Variants in CADM2 observed in about 807,000 individuals in gnomAD.
CADM2 encodes cell adhesion molecule 2, also known as immunoglobulin superfamily member 4D.
In CADM2, 12 loss-of-function variants were observed where a neutral mutation model predicts 49.8. That is an observed-to-expected ratio of 0.24 (90% confidence interval 0.15 to 0.39). The LOEUF (loss-of-function observed/expected upper bound fraction) is 0.39, where lower values mean the gene tolerates loss of function less well. CADM2 is among the 10% of genes least tolerant of loss of function. The pLI, the probability that CADM2 is intolerant of heterozygous loss-of-function variation, is 1.00. For synonymous variants in CADM2, 214 were observed against 175.4 expected (o/e 1.22, Z -1.74); for missense variants, 378 against 492.3 (o/e 0.77, Z 2.20).
rs1434292635 is a variant in CADM2, at chr3:85,477,563, G to T, written c.62-248959G>T. Among the ~76,000 whole-genome samples the T allele has an allele frequency of 6.6e-5, 10 of 151,840 alleles. No homozygotes were observed. The East Asian group carries it at 1.7e-3, about 27-fold the overall frequency. ...TGTTCTCATACGGCTTACATTTTAG[G>T]AGAGACAGCCAAAGCAAAAGAAAAT... On this transcript the variant is annotated intron_variant, in intron 1 of 9. Coordinates refer to ENST00000383699, the MANE Select transcript of CADM2 (RefSeq NM_001167675.2).
chr3:85,287,479 GATA>G (rs1337400527), intron 1 of CADM2, among the ~76,000 whole-genome samples: 11 of 152,016 alleles, frequency 7.2e-5, no homozygotes, highest in African/African-American at 1.2e-4. Context: ...TGCTAATTAT[GATA>G]ATAATCATTG....
At chr3:85,297,496 C>T (rs1227037457) in intron 1 of CADM2, among the ~76,000 whole-genome samples, 2 of 151,968 alleles carry the variant, frequency 1.3e-5, no homozygotes, top group Middle Eastern at 3.2e-3. Flanking sequence ...GGCACAGTGC[C>T]TGTAATAAGA....
intron 7 of CADM2, among the ~76,000 whole-genome samples, chr3:85,939,689 A>G (rs1559754275): frequency 6.6e-6 from 1 of 151,458 alleles, no homozygotes; most frequent in Non-Finnish European, 1.5e-5. Context: ...ATTCTGTAAA[A>G]GAAAATAATT....
intron 1 of CADM2, among the ~76,000 whole-genome samples, chr3:85,150,033 G>A (rs917908318): frequency 6.6e-6 from 1 of 152,160 alleles, no homozygotes; most frequent in Non-Finnish European, 1.5e-5. Flanking sequence ...CCGAGTGAAG[G>A]TTAAGGTTAA....
At chr3:85,557,225 G>T (rs994482563) in intron 1 of CADM2, among the ~76,000 whole-genome samples, 3 of 151,838 alleles carry the variant, frequency 2.0e-5, no homozygotes, top group African/African-American at 7.2e-5. Context: ...ACATACAAAT[G>T]TATATACACA....
chr3:85,745,657 A>G (rs72914833), intron 2 of CADM2, among the ~76,000 whole-genome samples: 6,030 of 152,212 alleles, frequency 0.04, 378 homozygotes, highest in African/African-American at 0.14. Context: ...CTTGAGACCA[A>G]GAGTTCAAGA....
At chr3:85,952,263 A>T (rs9309999) in intron 7 of CADM2, among the ~76,000 whole-genome samples, 150,532 of 150,830 alleles carry the variant, frequency 1, 75,117 homozygotes, top group East Asian at 1. Flanking sequence ...TTCTTGCTCC[A>T]ATGACACTAT....
intron 3 of CADM2, among the ~76,000 whole-genome samples, chr3:85,882,659 T>C (rs1024194383): frequency 3.3e-5 from 5 of 152,216 alleles, no homozygotes; most frequent in African/African-American, 9.6e-5. Context: ...TTCAGCAAGA[T>C]GCTAAAGTAT....
intron 1 of CADM2, among the ~76,000 whole-genome samples, chr3:85,247,508 A>T (rs556492987): frequency 6.6e-6 from 1 of 152,276 alleles, no homozygotes; most frequent in African/African-American, 2.4e-5. Context: ...AAGATATTGC[A>T]AAAGGATTTG....
Position 85,159,526 on chromosome 3 carries a change from A to G in CADM2, c.61+199858A>G, listed in dbSNP as rs1025110317. Among the ~76,000 whole-genome samples the G allele has an allele frequency of 5.3e-5, 8 of 152,192 alleles. 1 individual carries two copies. The highest frequency in any genetic ancestry group is 1.9e-4 in the African/African-American group (8 of 41,452). ...GACCCACTGGTGTCAGTGGTTTCAC[A>G]TGAGACAATACTTTAAATGGAAAAA... On this transcript the variant is annotated intron_variant, in intron 1 of 9. Coordinates refer to ENST00000383699, the MANE Select transcript of CADM2 (RefSeq NM_001167675.2).
At chr3:85,979,199 C>A in intron 8 of CADM2, 2 of 1,610,686 alleles carry the variant, frequency 1.2e-6, no homozygotes, top group Non-Finnish European at 1.7e-6. Context: ...TACTATCATC[C>A]CCTCCCTTAC....
intron 1 of CADM2, among the ~76,000 whole-genome samples, chr3:85,406,765 G>C (rs187664419): frequency 6.6e-6 from 1 of 151,910 alleles, no homozygotes; most frequent in Non-Finnish European, 1.5e-5. Flanking sequence ...AATATTGTTC[G>C]CTTGTTTTCA....
At position 85,291,739 on chromosome 3, in the gene CADM2, G is replaced by A. The variant is rs539073712; in HGVS notation, c.61+332071G>A. 2.2e-4 allele frequency among the ~76,000 whole-genome samples: 33 copies of A among 147,528 alleles called. 2 individuals are homozygous for A. Among genetic ancestry groups the A allele is most frequent in the Non-Finnish European group, 4.0e-4 (27 of 68,000 alleles). ...AATACTTTACAGACAAGCAAATGCT[G>A]AGAGATTTTGTCACCACCCGGCCTG... On this transcript the variant is annotated intron_variant, in intron 1 of 9. Transcript: ENST00000383699.
chr3:85,026,299 A>G (rs1394647443), intron 1 of CADM2, among the ~76,000 whole-genome samples: 3 of 152,186 alleles, frequency 2.0e-5, no homozygotes, highest in African/African-American at 7.2e-5. Flanking sequence ...AAATTGTTAC[A>G]TACTAAATAG....
chr3:85,177,036 C>T (rs573443456), intron 1 of CADM2, among the ~76,000 whole-genome samples: 1 of 152,258 alleles, frequency 6.6e-6, no homozygotes, highest in East Asian at 1.9e-4. Context: ...TGAGCTCACT[C>T]CCTATCCATA....
At chr3:85,395,205 G>T (rs1039033982) in intron 1 of CADM2, among the ~76,000 whole-genome samples, 2 of 150,210 alleles carry the variant, frequency 1.3e-5, no homozygotes, top group African/African-American at 4.9e-5. Flanking sequence ...GGCTGAGGCT[G>T]GAGGATCACA....
intron 8 of CADM2, among the ~76,000 whole-genome samples, chr3:85,999,763 T>A (rs1004520756): frequency 6.6e-5 from 10 of 151,990 alleles, no homozygotes; most frequent in African/African-American, 2.2e-4. Flanking sequence ...TTTAATGAAG[T>A]GATTAGATAA....
intron 1 of CADM2, among the ~76,000 whole-genome samples, chr3:85,187,697 C>T (rs1040040612): frequency 5.9e-5 from 9 of 151,914 alleles, no homozygotes; most frequent in South Asian, 2.1e-4. Flanking sequence ...TAAATGTCAA[C>T]GTGGATTTTT....
chr3:85,848,739 A>G (rs2074978698), intron 3 of CADM2, among the ~76,000 whole-genome samples: 1 of 152,210 alleles, frequency 6.6e-6, no homozygotes, highest in South Asian at 2.1e-4. Context: ...AATTTAAGAA[A>G]CGCATACAAC....
Sources: gnomAD v4.1 joint callset for allele counts (sites outside exome capture counted in the v4.1 genomes callset) on GRCh38, gnomAD v4.1.1 for gene constraint, MANE v1.5 for transcripts, NCBI Gene and HGNC (gene_info 2026-07-23, HGNC 2026-07-21) for gene names.